Variants in PCDHGB1 observed in about 807,000 individuals in gnomAD.
The protein encoded by PCDHGB1 is protocadherin gamma-B1.
In PCDHGB1, 34 loss-of-function variants were observed where a neutral mutation model predicts 56.6. The ratio of observed to expected loss-of-function variants is 0.60; its 90% CI spans 0.46 to 0.80. PCDHGB1 has a LOEUF of 0.80. Ranked by LOEUF, PCDHGB1 falls within the 30% of genes least tolerant of loss-of-function variation. PCDHGB1 has a pLI of 0.00. For missense variants in PCDHGB1, 1,278 were observed against 1,204.6 expected, an observed-to-expected ratio of 1.06 and a Z score of -0.90; for synonymous variants, 561 against 505.9, an observed-to-expected ratio of 1.11 and a Z score of -1.46.
Position 141,485,468 on chromosome 5 carries a change from A to G in PCDHGB1, c.2410-9339A>G. On this transcript the variant is annotated intron_variant, in intron 1 of 3. Coordinates refer to ENST00000523390, the MANE Select transcript of PCDHGB1 (RefSeq NM_018922.3). This position sits in a 1 kb window ranked among gnomAD's most constrained non-coding sequence, Gnocchi z 5.7. The stretch of plus-strand genomic sequence containing the variant: ...CGACCGAGAGGCACTGTGTGGGCTC[A>G]GTGCCAGCTGCATCGTGCCCCTGGA... 1 of 1,614,166 alleles carries G rather than the reference A, an allele frequency of 6.2e-7. No homozygotes were observed. Among genetic ancestry groups the G allele is most frequent in the Non-Finnish European group, 8.5e-7 (1 of 1,180,020 alleles).
intron 1 of PCDHGB1, among the ~76,000 whole-genome samples, chr5:141,488,117 G>A (rs1231303931): frequency 6.6e-6 from 1 of 152,190 alleles, no homozygotes; most frequent in African/African-American, 2.4e-5. Flanking sequence ...GAAACATAGA[G>A]ACAGCAGAAA....
At chr5:141,500,256 T>C (rs1045685908) in intron 2 of PCDHGB1, among the ~76,000 whole-genome samples, 1 of 151,676 alleles carries the variant, frequency 6.6e-6, no homozygotes, top group Non-Finnish European at 1.5e-5. Flanking sequence ...TCACCCAGGC[T>C]GGACTGCAGT....
Position 141,370,565 on chromosome 5 carries a change from C to T in PCDHGB1, c.2409+17896C>T, listed in dbSNP as rs776498616. ...ACCTCGCCAAGGACCTGGGGTTTGG[C>T]GTGGGGGATTTACCTACTAGGAACC... On this transcript the variant is annotated intron_variant, in intron 1 of 3. Transcript: ENST00000523390. The T allele has an allele frequency of 1.9e-5, 31 of 1,613,664 alleles. No individual in the cohort carries two copies. In the Admixed American group the frequency reaches 5.2e-4, roughly 27 times the overall value.
At chr5:141,364,914 T>A (rs745343647) in intron 1 of PCDHGB1, 1 of 1,613,936 alleles carries the variant, frequency 6.2e-7, no homozygotes, top group Non-Finnish European at 8.5e-7. Flanking sequence ...CCGGAGCTGG[T>A]GTTGGAACAG....
chr5:141,418,339 T>G (rs779598961), intron 1 of PCDHGB1: 2 of 1,614,012 alleles, frequency 1.2e-6, no homozygotes, highest in Non-Finnish European at 1.7e-6. Context: ...CAGAAGATCC[T>G]GATATTAGTA....
chr5:141,431,867 A>C lies in PCDHGB1; in HGVS notation c.2410-62940A>C. On this transcript the variant is annotated intron_variant, in intron 1 of 3. Transcript: ENST00000523390. The surrounding 1 kb of genome is among the most constrained non-coding windows in gnomAD (Gnocchi z 4.8). ...CAGAGGGACATTAATTGCCCTTTTA[A>C]ATGTAAATGACCAAGATTCTGAGGA... 6.2e-7 allele frequency: 1 copy of C among 1,614,226 alleles called. No individual in the cohort carries two copies. Among genetic ancestry groups the C allele is most frequent in the Non-Finnish European group, 8.5e-7 (1 of 1,180,024 alleles).
At position 141,492,010 on chromosome 5, in the gene PCDHGB1, G is replaced by A. The variant is rs2099736138; in HGVS notation, c.2410-2797G>A. 2 of 617,370 alleles carry A rather than the reference G, an allele frequency of 3.2e-6. 1 individual carries two copies. Among genetic ancestry groups the A allele is most frequent in the Middle Eastern group, 8.7e-4 (2 of 2,312 alleles). The allele number at this position is 617,370 out of a possible 1,614,324, so 38.2% of individuals were successfully genotyped here. On this transcript the variant is annotated intron_variant, in intron 1 of 3. Transcript: ENST00000523390. Reference sequence around the variant, plus strand: ...GGTGAATTTCGGGCGATTTCCGCGGGTGTCGGGGGTCCCGGGAGGAGGCAG... The same window carrying A: ...GGTGAATTTCGGGCGATTTCCGCGGATGTCGGGGGTCCCGGGAGGAGGCAG...
rs770623588 is a variant in PCDHGB1, at chr5:141,410,424, C to A, written c.2409+57755C>A. ...GTCAAGTCTGGACCTGTAGTTCCCC[C>A]CAACTACAGTGAGGGGACTTTGCCT... is the stretch of plus-strand genomic sequence containing the variant. On this transcript the variant is annotated intron_variant, in intron 1 of 3. Transcript: ENST00000523390. The A allele has an allele frequency of 1.1e-5, 17 of 1,613,852 alleles. No homozygotes were observed. In the East Asian group the frequency reaches 3.6e-4, roughly 34 times the overall value.
In PCDHGB1 at chr5:141,361,747, G is replaced by A. The variant is rs960340216; in HGVS notation, c.2409+9078G>A. 35 of 1,612,978 alleles carry A rather than the reference G, an allele frequency of 2.2e-5. No homozygotes were observed. In the African/African-American group the frequency reaches 4.7e-4, roughly 22 times the overall value. ...GCTCACACTGCAGGCCCGCGACCAG[G>A]GCTCGCCCGCGCTCAGCGCCAACGT... On this transcript the variant is annotated intron_variant, in intron 1 of 3. Transcript: ENST00000523390.
At chr5:141,423,749 T>TTG (rs1249843775) in intron 1 of PCDHGB1, 127 of 272,264 alleles carry the variant, frequency 4.7e-4, no homozygotes, top group South Asian at 6.4e-4. Context: ...TGAAAACTGT[T>TTG]TGGGGGGGGG....
At chr5:141,421,854 C>T (rs1402137870) in intron 1 of PCDHGB1, 9 of 1,613,644 alleles carry the variant, frequency 5.6e-6, no homozygotes. Flanking sequence ...AGGCTGCTCA[C>T]CTGCTCCTCC....
At chr5:141,399,949 A>G in intron 1 of PCDHGB1, 1 of 1,612,272 alleles carries the variant, frequency 6.2e-7, no homozygotes, top group Non-Finnish European at 8.5e-7. Flanking sequence ...GCTGCAGGCT[A>G]GCGAGCCCGG....
chr5:141,356,202 G>T, intron 1 of PCDHGB1: 1 of 1,607,648 alleles, frequency 6.2e-7, no homozygotes, highest in East Asian at 2.2e-5. Context: ...GCAAGGTACT[G>T]GTGACAGTTC....
intron 1 of PCDHGB1, chr5:141,418,002 G>A: frequency 1.9e-6 from 3 of 1,613,916 alleles, no homozygotes; most frequent in Non-Finnish European, 2.5e-6. Flanking sequence ...TCGGTGGTGG[G>A]GAACCTCGCT....
intron 1 of PCDHGB1, chr5:141,362,657 G>A (rs564342376): frequency 1.6e-5 from 23 of 1,396,834 alleles, no homozygotes; most frequent in Admixed American, 2.6e-5. Flanking sequence ...GTTAGATTTG[G>A]CCAATGTTGT....
rs377580446 is a variant in PCDHGB1 at position 141,350,582 on chromosome 5, G to A, written c.322G>A (p.Glu108Lys). The A allele has an allele frequency of 6.2e-6, 10 of 1,614,040 alleles. No homozygotes were observed. Among genetic ancestry groups the A allele is most frequent in the Non-Finnish European group, 8.5e-6 (10 of 1,179,890 alleles). Residue 108 changes from glutamate (E) to lysine (K), a missense_variant, in exon 1 of 4, where the codon GAA becomes AAA. Physicochemically the swap from Glu to Lys is moderately conservative, Grantham distance 56 (BLOSUM62 1). Transcript: ENST00000523390. Reference sequence around the variant, plus strand: ...TGCACTAGAATTCGAAACGGTCGCTGAAAACCCAATGAATGTTTTCCACGT... The same window carrying A: ...TGCACTAGAATTCGAAACGGTCGCTAAAAACCCAATGAATGTTTTCCACGT... The part of the protein sequence containing the change: ...ECALEFETVA[E>K]NPMNVFHVVV...
At chr5:141,442,006 G>T (rs540427406) in intron 1 of PCDHGB1, 2 of 229,074 alleles carry the variant, frequency 8.7e-6, no homozygotes, top group South Asian at 4.9e-5. Flanking sequence ...CTGACAGCTC[G>T]CACGATGGGC....
intron 1 of PCDHGB1, among the ~76,000 whole-genome samples, chr5:141,454,796 A>ATTTTTTTTTTT (rs61612330): frequency 0.014 from 1,093 of 77,476 alleles, 165 homozygotes; most frequent in African/African-American, 0.018. Flanking sequence ...CATGGTTCTA[A>ATTTTTTTTTTT]TTTTTTTTTT....
intron 1 of PCDHGB1, chr5:141,371,563 T>G: frequency 6.2e-7 from 1 of 1,613,806 alleles, no homozygotes; most frequent in Non-Finnish European, 8.5e-7. Context: ...AAAGGAAACT[T>G]CCCCTTTAAA....
Sources: allele counts gnomAD v4.1 joint callset (sites outside exome capture counted in the v4.1 genomes callset), GRCh38; gene constraint gnomAD v4.1.1; non-coding constraint Gnocchi (gnomAD v3.1); transcripts MANE v1.5; gene names NCBI Gene and HGNC (gene_info 2026-07-23, HGNC 2026-07-21).